The following GET4 variants were observed in gnomAD, a reference collection of about 807,000 sequenced individuals.
The protein encoded by GET4 is Golgi to ER traffic protein 4 homolog.
In GET4, 20 loss-of-function variants were observed where a neutral mutation model predicts 40.0. The ratio of observed to expected loss-of-function variants is 0.50; its 90% CI spans 0.35 to 0.73. The LOEUF (loss-of-function observed/expected upper bound fraction) is 0.73, where lower values mean the gene tolerates loss of function less well. GET4 is among the 30% of genes least tolerant of loss of function. The pLI, the probability that GET4 is intolerant of heterozygous loss-of-function variation, is 0.01. For synonymous variants in GET4, 280 were observed against 194.6 expected (o/e 1.44, Z -3.65); for missense variants, 557 against 454.0 (o/e 1.23, Z -2.06).
In GET4 at chr7:886,124, G is replaced by T. The variant is rs1407448433; in HGVS notation, c.224G>T (p.Ser75Ile). ...TACTCGGGAGCCCTGCTCTTCTTCA[G>T]CCATGGCCAGGTAAGCCGTCTTGCT... ...LMYSGALLFF[S>I]HGQQNSAADL... Residue 75 changes from serine (S) to isoleucine (I), a missense_variant, in exon 2 of 9, where the codon AGC becomes ATC. By Grantham distance (142) the Ser-to-Ile change is moderately radical. Coordinates refer to ENST00000265857, the MANE Select transcript of GET4 (RefSeq NM_015949.3). 1 of 1,604,978 alleles carries T rather than the reference G, an allele frequency of 6.2e-7. No individual in the cohort carries two copies. The highest frequency in any genetic ancestry group is 2.2e-5 in the East Asian group (1 of 44,838).
intron 4 of GET4, among the ~76,000 whole-genome samples, chr7:890,397 T>C (rs10246764): frequency 0.4 from 4,660 of 11,642 alleles, 1,301 homozygotes; most frequent in East Asian, 0.58. Flanking sequence ...GTGGAGGGAG[T>C]GTGAGCGGGT....
chr7:887,273 A>T, intron 3 of GET4, 97 bp from the exon 4 acceptor site: 1 of 1,215,272 alleles, frequency 8.2e-7, no homozygotes, highest in Non-Finnish European at 1.2e-6. Context: ...TCTCCCTGTT[A>T]AGTAGTTGCG....
chr7:879,319 A>G (rs979412347), intron 1 of GET4, among the ~76,000 whole-genome samples: 1 of 152,242 alleles, frequency 6.6e-6, no homozygotes, highest in African/African-American at 2.4e-5. Flanking sequence ...AGCCCAAGCG[A>G]AGGTGGACTC....
At chr7:895,128 A>G (rs1210095476) in intron 8 of GET4, among the ~76,000 whole-genome samples, 1 of 150,614 alleles carries the variant, frequency 6.6e-6, no homozygotes, top group African/African-American at 2.4e-5. Flanking sequence ...TGGCTGCTCC[A>G]TGTTTGAGTA....
chr7:889,054 A>C (rs1173251555), intron 4 of GET4, among the ~76,000 whole-genome samples: 1 of 152,256 alleles, frequency 6.6e-6, no homozygotes, highest in Non-Finnish European at 1.5e-5. Context: ...GGCAGCTCCT[A>C]AGATGGGTAC....
rs763001665 is a variant in GET4 at position 887,242 on chromosome 7, CAG to C, written c.317-127_317-126del. On this transcript the variant is annotated intron_variant, in intron 3 of 8. Coordinates refer to ENST00000265857, the MANE Select transcript of GET4 (RefSeq NM_015949.3). ...TCAGTGTGGTGGTCCACGGCTCACT[CAG>C]GGACGCCCAGCAGGTTCCTCTCCCT... 28 of 951,824 alleles carry C rather than the reference CAG, an allele frequency of 2.9e-5. No homozygotes were observed. The East Asian group carries it at 3.8e-4, about 13-fold the overall frequency. 59.0% of individuals were successfully genotyped at this position (951,824 alleles called of 1,614,324 possible). A position where few individuals can be genotyped will look rare whatever the true frequency, so the allele number is the denominator to read the frequency against.
At position 891,013 on chromosome 7, in the gene GET4, G is replaced by A. The variant is rs150276017; in HGVS notation, c.552G>A (p.Thr184=). The A allele has an allele frequency of 6.6e-5, 107 of 1,611,254 alleles. No homozygotes were observed. Among genetic ancestry groups the A allele is most frequent in the Middle Eastern group, 3.3e-4 (2 of 6,048 alleles). The change falls in exon 5 of 9, where the codon ACG becomes ACA. Residue 184 remains threonine, a synonymous_variant. Coordinates refer to ENST00000265857, the MANE Select transcript of GET4 (RefSeq NM_015949.3). ...CCAACATGCTGGTGGAGTATTCCAC[G>A]TCCCGCGGCTTCCGCAGCGAGGTGG... ...GCANMLVEYS[T]SRGFRSEVDM...
Position 892,386 on chromosome 7 carries a change from C to G in GET4, c.714C>G (p.Asn238Lys). 6.3e-7 allele frequency: 1 copy of G among 1,593,142 alleles called. No individual in the cohort carries two copies. The highest frequency in any genetic ancestry group is 8.6e-7 in the Non-Finnish European group (1 of 1,162,834). Residue 238 changes from asparagine to lysine, a missense_variant, in exon 6 of 9, where the codon AAC becomes AAG. Transcript: ENST00000265857. ...DGPPFVEPLL[N>K]FIWFLLLAVD... ...CTCCGTTTGTGGAGCCGCTGCTTAA[C>G]TTCATCTGGTTCCTGCTGCTGGCTG...
intron 3 of GET4, chr7:887,115 C>T (rs1287346596): frequency 1.5e-6 from 1 of 658,952 alleles, no homozygotes. Context: ...TGGACTCCAG[C>T]TCCCCACGGC....
intron 6 of GET4, among the ~76,000 whole-genome samples, chr7:893,014 AG>A (rs1844365498): frequency 6.9e-6 from 1 of 143,926 alleles, no homozygotes; most frequent in Non-Finnish European, 1.5e-5. Flanking sequence ...TGGTGTTTGC[AG>A]GTGAGGGGTG....
At chr7:878,363 A>G (rs972275684) in intron 1 of GET4, 2 of 471,110 alleles carry the variant, frequency 4.2e-6, no homozygotes, top group South Asian at 3.1e-5. Flanking sequence ...ATATCAGATT[A>G]TCTCTTATGG....
chr7:888,553 G>A (rs561319331), intron 4 of GET4, among the ~76,000 whole-genome samples: 18 of 152,368 alleles, frequency 1.2e-4, no homozygotes, highest in African/African-American at 2.4e-4. Flanking sequence ...GGAGCCTGGC[G>A]GAACCCGGTC....
chr7:892,571 A>G (rs991320549), intron 6 of GET4, 153 bp downstream of exon 6: 3 of 706,528 alleles, frequency 4.2e-6, no homozygotes, highest in African/African-American at 3.6e-5. Flanking sequence ...CTGGGTGTAG[A>G]CGTGGCATAG....
intron 3 of GET4, chr7:886,898 C>T (rs1844200466): frequency 1.8e-6 from 1 of 559,362 alleles, no homozygotes; most frequent in South Asian, 2.0e-5. Context: ...GGGCCCTGTC[C>T]TCTCCACTGC....
At chr7:884,280 C>G in intron 1 of GET4, 1 of 1,304,114 alleles carries the variant, frequency 7.7e-7, no homozygotes, top group South Asian at 1.2e-5. Flanking sequence ...CCAGAGTGCC[C>G]TGTGCCAGAC....
chr7:876,717 G>C lies in GET4; in HGVS notation c.72G>C (p.Gln24His), dbSNP rs781474745. The C allele has an allele frequency of 1.1e-4, 150 of 1,373,996 alleles. 2 individuals carry two copies. The East Asian group carries it at 5.2e-3, about 48-fold the overall frequency. 85.1% of individuals were successfully genotyped at this position (1,373,996 alleles called of 1,614,324 possible). ...GCGGCCGCAACCGCGGCGGCGTCCA[G>C]CGTGTGGAGGGCAAGCTGCGCGCCA... ...RNGGRNRGGV[Q>H]RVEGKLRASV... The change falls in exon 1 of 9, where the codon CAG (glutamine) becomes CAC (histidine). Residue 24 changes from glutamine (Q) to histidine (H), a missense_variant. Transcript: ENST00000265857.
At chr7:891,412 C>T (rs1254395564) in intron 5 of GET4, among the ~76,000 whole-genome samples, 1 of 152,236 alleles carries the variant, frequency 6.6e-6, no homozygotes, top group African/African-American at 2.4e-5. Flanking sequence ...GAATTGTGAG[C>T]ATCTACCCCG....
chr7:888,054 C>T (rs1464631579), intron 4 of GET4, among the ~76,000 whole-genome samples: 2 of 152,160 alleles, frequency 1.3e-5, no homozygotes, highest in African/African-American at 2.4e-5. Flanking sequence ...TAGAAGCGTC[C>T]TCCCCAGGGC....
In GET4 at chr7:895,763, G is replaced by A. The variant is rs527282783; in HGVS notation, c.*341G>A. On this transcript the variant is annotated 3_prime_UTR_variant, in exon 9 of 9. Transcript: ENST00000265857. Reference sequence around the variant, plus strand: ...TGGGCAGCACAGGAGGCCCGTCCTCGGGGGGCTGCGCACATCACGCTCCTT... The same window carrying A: ...TGGGCAGCACAGGAGGCCCGTCCTCAGGGGGCTGCGCACATCACGCTCCTT... The A allele has an allele frequency of 1.4e-3, 250 of 178,794 alleles. No homozygotes were observed. Among genetic ancestry groups the A allele is most frequent in the African/African-American group, 4.8e-3 (206 of 42,478 alleles). The allele number at this position is 178,794 out of a possible 1,614,324, so 11.1% of individuals were successfully genotyped here.
Sources: allele counts gnomAD v4.1 joint callset (sites outside exome capture counted in the v4.1 genomes callset), GRCh38; gene constraint gnomAD v4.1.1; transcripts MANE v1.5; gene names NCBI Gene and HGNC (gene_info 2026-07-23, HGNC 2026-07-21).